NR3C2: variants seen among roughly 807,000 people sequenced by gnomAD.
NR3C2 encodes nuclear receptor subfamily 3 group C member 2, also known as mineralocorticoid receptor.
NR3C2 carries 15 observed loss-of-function variants against 86.4 expected under a neutral mutation model. The ratio of observed to expected loss-of-function variants is 0.17; its 90% CI spans 0.12 to 0.27. The LOEUF (loss-of-function observed/expected upper bound fraction) is 0.27. Among genes scored for constraint, NR3C2 ranks in the 10% least tolerant of loss-of-function variants. The pLI, the probability that NR3C2 is intolerant of heterozygous loss-of-function variation, is 1.00. For missense variants in NR3C2, 960 were observed against 1,195.6 expected, an observed-to-expected ratio of 0.80 and a Z score of 2.91; for synonymous variants, 458 against 450.5, an observed-to-expected ratio of 1.02 and a Z score of -0.21.
intron 2 of NR3C2, among the ~76,000 whole-genome samples, chr4:148,316,445 T>G (rs1743179776): frequency 1.3e-5 from 2 of 152,174 alleles, no homozygotes; most frequent in African/African-American, 4.8e-5. Context: ...CAGGTAAAGG[T>G]AGCTTTGATT....
chr4:148,316,404 T>C (rs1743175490), intron 2 of NR3C2, among the ~76,000 whole-genome samples: 2 of 152,202 alleles, frequency 1.3e-5, no homozygotes, highest in South Asian at 2.1e-4. Flanking sequence ...AGGAGAAATT[T>C]AGATTATTTA....
chr4:148,344,577 C>T (rs1744901529), intron 2 of NR3C2, among the ~76,000 whole-genome samples: 1 of 152,128 alleles, frequency 6.6e-6, no homozygotes, highest in Non-Finnish European at 1.5e-5. Flanking sequence ...ATGTTAGCTG[C>T]TATTAGCAGG....
At chr4:148,351,017 T>C (rs1364229773) in intron 2 of NR3C2, among the ~76,000 whole-genome samples, 1 of 152,220 alleles carries the variant, frequency 6.6e-6, no homozygotes, top group Non-Finnish European at 1.5e-5. Flanking sequence ...TAAAATATAA[T>C]GGATTACCAA....
At chr4:148,109,192 C>T (rs1731938180) in intron 8 of NR3C2, among the ~76,000 whole-genome samples, 1 of 152,126 alleles carries the variant, frequency 6.6e-6, no homozygotes, top group Admixed American at 6.5e-5. Context: ...ATGACTCCTG[C>T]CCAGCACAGC....
At chr4:148,161,547 G>A (rs1024393974) in intron 4 of NR3C2, among the ~76,000 whole-genome samples, 1 of 151,982 alleles carries the variant, frequency 6.6e-6, no homozygotes, top group African/African-American at 2.4e-5. Flanking sequence ...TAGAGGCGGG[G>A]TTTTACCATG....
chr4:148,114,024 C>CA, intron 8 of NR3C2, 80 bp downstream of exon 8: 2 of 1,542,578 alleles, frequency 1.3e-6, no homozygotes, highest in Non-Finnish European at 1.8e-6. Context: ...TGAAAACTCT[C>CA]AGTCTCTGTT....
intron 4 of NR3C2, among the ~76,000 whole-genome samples, chr4:148,187,561 A>C (rs1735986737): frequency 7.2e-6 from 1 of 139,276 alleles, no homozygotes; most frequent in African/African-American, 2.6e-5. Context: ...TTTTTTTCTT[A>C]CTGATTTGTT....
intron 2 of NR3C2, among the ~76,000 whole-genome samples, chr4:148,383,014 AATAAAT>A (rs1256183582): frequency 6.6e-6 from 1 of 152,196 alleles, no homozygotes; most frequent in Non-Finnish European, 1.5e-5. Context: ...TGCAACGATA[AATAAAT>A]ATAATTTATC....
Position 148,225,910 on chromosome 4 carries a change from A to G in NR3C2, c.1898-31048T>C, listed in dbSNP as rs35870945. The stretch of plus-strand genomic sequence containing the variant: ...CCTCTTTCAACAAGGACTTACTCAT[A>G]AATGTCCTATCTTTACACAGAAGTT... On this transcript the variant is annotated intron_variant, in intron 3 of 8. Coordinates refer to ENST00000358102, the MANE Select transcript of NR3C2 (RefSeq NM_000901.5). 2.9e-3 allele frequency among the ~76,000 whole-genome samples: 445 copies of G among 152,270 alleles called. 2 individuals carry two copies. The highest frequency in any genetic ancestry group is 0.01 in the African/African-American group (422 of 41,562).
intron 6 of NR3C2, among the ~76,000 whole-genome samples, chr4:148,134,829 T>G (rs1733222577): frequency 6.6e-6 from 1 of 151,000 alleles, no homozygotes; most frequent in African/African-American, 2.4e-5. Context: ...TTGTATTTTT[T>G]TTTTTTCTGT....
chr4:148,383,338 A>T (rs986201081), intron 2 of NR3C2, among the ~76,000 whole-genome samples: 3 of 152,202 alleles, frequency 2.0e-5, no homozygotes, highest in African/African-American at 7.2e-5. Flanking sequence ...AAATCAAGAC[A>T]ACTTACTTTA....
chr4:148,325,154 G>T (rs113306669), intron 2 of NR3C2, among the ~76,000 whole-genome samples: 2 of 134,526 alleles, frequency 1.5e-5, no homozygotes, highest in Non-Finnish European at 3.1e-5. Context: ...GAGAGAGACA[G>T]AGTGTGTGTG....
At chr4:148,339,473 T>C (rs1320926102) in intron 2 of NR3C2, among the ~76,000 whole-genome samples, 1 of 152,132 alleles carries the variant, frequency 6.6e-6, no homozygotes, top group Non-Finnish European at 1.5e-5. Context: ...ATTAAAACAA[T>C]CTTATTGATG....
chr4:148,111,411 T>C (rs1299857836), intron 8 of NR3C2, among the ~76,000 whole-genome samples: 2 of 152,232 alleles, frequency 1.3e-5, no homozygotes, highest in African/African-American at 4.8e-5. Context: ...TGGAAAACCA[T>C]TTGGCAGTTT....
intron 2 of NR3C2, among the ~76,000 whole-genome samples, chr4:148,268,847 C>T (rs1397055584): frequency 6.6e-6 from 1 of 152,108 alleles, no homozygotes; most frequent in Non-Finnish European, 1.5e-5. Context: ...GAAGAAATAG[C>T]TTTAAAAATC....
Position 148,435,201 on chromosome 4 carries a change from T to A in NR3C2, c.1660A>T (p.Asn554Tyr), listed in dbSNP as rs148037179. ...FQHLSSFPPVNTLVESWKSHG... is the reference protein window; with the variant it reads ...FQHLSSFPPVYTLVESWKSHG... ...GATTTCCATGACTCCACTAAAGTAT[T>A]GACAGGAGGAAAGGAACTCAGGTGT... The change falls in exon 2 of 9, where the codon AAT becomes TAT. Residue 554 changes from asparagine (N) to tyrosine (Y), a missense_variant. Coordinates refer to ENST00000358102, the MANE Select transcript of NR3C2 (RefSeq NM_000901.5). 7 of 1,614,044 alleles carry A rather than the reference T, an allele frequency of 4.3e-6. No individual in the cohort carries two copies. The African/African-American group carries it at 9.3e-5, about 22-fold the overall frequency.
At chr4:148,313,796 G>A (rs2149940064) in intron 2 of NR3C2, among the ~76,000 whole-genome samples, 1 of 152,250 alleles carries the variant, frequency 6.6e-6, no homozygotes, top group African/African-American at 2.4e-5. Context: ...TTGCAAAGAT[G>A]GTGAACACAC....
At chr4:148,256,718 A>C (rs1739851454) in intron 3 of NR3C2, among the ~76,000 whole-genome samples, 1 of 152,222 alleles carries the variant, frequency 6.6e-6, no homozygotes. Flanking sequence ...GAAAATCTTC[A>C]AGGCAAATAA....
At chr4:148,346,643 A>G (rs1470922122) in intron 2 of NR3C2, among the ~76,000 whole-genome samples, 1 of 152,158 alleles carries the variant, frequency 6.6e-6, no homozygotes, top group African/African-American at 2.4e-5. Context: ...GAAATGTACT[A>G]TAAATAAGAT....
Sources: gnomAD v4.1 joint callset for allele counts (sites outside exome capture counted in the v4.1 genomes callset) on GRCh38, gnomAD v4.1.1 for gene constraint, MANE v1.5 for transcripts, NCBI Gene and HGNC (gene_info 2026-07-23, HGNC 2026-07-21) for gene names.